The following PIWIL3 variants were observed in gnomAD, a reference collection of about 807,000 sequenced individuals.
PIWIL3 encodes piwi-like protein 3.
A neutral mutation model predicts 109.7 loss-of-function variants in PIWIL3; 101 were observed. The observed-to-expected ratio is 0.92, with a 90% CI of 0.78 to 1.09. PIWIL3 has a LOEUF of 1.09. Ranked by LOEUF, PIWIL3 falls within the 50% of genes least tolerant of loss-of-function variation. The pLI, the probability that PIWIL3 is intolerant of heterozygous loss-of-function variation, is 0.00. For missense variants in PIWIL3, 1,031 were observed against 1,072.6 expected (o/e 0.96, Z 0.54); for synonymous variants, 373 against 376.4 (o/e 0.99, Z 0.10).
chr22:24,771,184 C>T (rs190182535), intron 1 of PIWIL3, among the ~76,000 whole-genome samples: 10 of 152,154 alleles, frequency 6.6e-5, no homozygotes, highest in African/African-American at 1.9e-4. Flanking sequence ...ACTTTCCGGC[C>T]GGGCGCGGTG....
At chr22:24,724,309 G>C (rs953626484) in intron 18 of PIWIL3, among the ~76,000 whole-genome samples, 1 of 150,542 alleles carries the variant, frequency 6.6e-6, no homozygotes, top group African/African-American at 2.4e-5. Flanking sequence ...GATTTTTTTT[G>C]AGACAAGGTC....
chr22:24,737,999 A>G (rs1923765749), intron 12 of PIWIL3, among the ~76,000 whole-genome samples: 1 of 152,122 alleles, frequency 6.6e-6, no homozygotes, highest in Admixed American at 6.5e-5. Flanking sequence ...TAAAAATATA[A>G]AAATTAGCTG....
rs1215638626 is a variant in PIWIL3, at chr22:24,749,010, A to G, written c.1346T>C (p.Val449Ala). 2 of 1,610,236 alleles carry G rather than the reference A, an allele frequency of 1.2e-6. No individual in the cohort carries two copies. The highest frequency in any genetic ancestry group is 1.7e-6 in the Non-Finnish European group (2 of 1,177,410). ...ATCCCAGAGTTGAAGTAACTCTCGT[A>G]CTTTTTTATTACTGAAAATTAAAAT... is the stretch of plus-strand genomic sequence containing the variant. ...FINTLQDNKKVRELLQLWDLK... is the reference protein window; with the variant it reads ...FINTLQDNKKARELLQLWDLK... The change falls in exon 12 of 21, where the codon GTA becomes GCA. Residue 449 changes from valine (V) to alanine (A), a missense_variant. Coordinates refer to ENST00000616349, the MANE Select transcript of PIWIL3 (RefSeq NM_001255975.1).
In PIWIL3 at chr22:24,773,872, G is replaced by A. The variant is rs1396282404; in HGVS notation, c.-23+450C>T. Reference sequence around the variant, plus strand: ...TGGGACTACAGGCACCCGCCACTGCGCCCAGTTAATTTTGGTATTTTTCGT... The same window carrying A: ...TGGGACTACAGGCACCCGCCACTGCACCCAGTTAATTTTGGTATTTTTCGT... On this transcript the variant is annotated intron_variant, in intron 1 of 20. Coordinates refer to ENST00000616349, the MANE Select transcript of PIWIL3 (RefSeq NM_001255975.1). Among the ~76,000 whole-genome samples the A allele has an allele frequency of 5.3e-5, 8 of 151,790 alleles. No individual in the cohort carries two copies. In the South Asian group the frequency reaches 6.3e-4, roughly 12 times the overall value.
In PIWIL3 at chr22:24,752,797, G is replaced by A. The variant is rs1049738168; in HGVS notation, c.977+1217C>T. ...TTTAATATTCCTACAAGCAGCATAC[G>A]AGAGAGTTGCTTCTGATCTTTCCAC... On this transcript the variant is annotated intron_variant, in intron 8 of 20. Coordinates refer to ENST00000616349, the MANE Select transcript of PIWIL3 (RefSeq NM_001255975.1). Among the ~76,000 whole-genome samples, 13 of 152,056 alleles carry A rather than the reference G, an allele frequency of 8.5e-5. 1 individual carries two copies. Among genetic ancestry groups the A allele is most frequent in the African/African-American group, 4.8e-5 (2 of 41,414 alleles).
rs922870009 is a variant in PIWIL3 at position 24,755,372 on chromosome 22, C to T, written c.692+412G>A. ...TCCTAACCTCAAATGATCCACCCGC[C>T]TCAGCCTCCCAAAGTGCTGGGATTA... On this transcript the variant is annotated intron_variant, in intron 6 of 20. Transcript: ENST00000616349. Among the ~76,000 whole-genome samples, 11 of 152,234 alleles carry T rather than the reference C, an allele frequency of 7.2e-5. No homozygotes were observed. In the South Asian group the frequency reaches 1.4e-3, roughly 20 times the overall value.
At chr22:24,755,552 G>T (rs1321773761) in intron 6 of PIWIL3, among the ~76,000 whole-genome samples, 1 of 145,294 alleles carries the variant, frequency 6.9e-6, no homozygotes, top group East Asian at 2.0e-4. Flanking sequence ...TTCTAGGCAG[G>T]TATGAGACAA....
chr22:24,721,953 C>T (rs131476), intron 19 of PIWIL3, among the ~76,000 whole-genome samples: 89,424 of 152,164 alleles, frequency 0.59, 26,804 homozygotes, highest in East Asian at 0.69. Context: ...GCTGACTATA[C>T]GAAACTATTT....
intron 3 of PIWIL3, among the ~76,000 whole-genome samples, chr22:24,759,188 G>A (rs1601848461): frequency 6.6e-6 from 1 of 152,312 alleles, no homozygotes; most frequent in African/African-American, 2.4e-5. Context: ...CCCAGTCCAT[G>A]TAATTTACAC....
chr22:24,727,864 G>T, intron 16 of PIWIL3, 86 bp downstream of exon 16: 1 of 1,078,740 alleles, frequency 9.3e-7, no homozygotes. Flanking sequence ...CCAACCTCTT[G>T]AGTTAACACA....
intron 19 of PIWIL3, among the ~76,000 whole-genome samples, chr22:24,721,740 G>A (rs1198431355): frequency 1.3e-5 from 2 of 151,830 alleles, no homozygotes; most frequent in Admixed American, 6.6e-5. Context: ...ATATTCTTAC[G>A]GCCTTTATTC....
intron 2 of PIWIL3, among the ~76,000 whole-genome samples, chr22:24,761,150 G>A (rs534710072): frequency 6.6e-6 from 1 of 152,168 alleles, no homozygotes; most frequent in African/African-American, 2.4e-5. Context: ...GTTAGGTGGT[G>A]CAGGAGAGGT....
intron 14 of PIWIL3, among the ~76,000 whole-genome samples, chr22:24,732,408 C>T (rs890198668): frequency 7.9e-5 from 12 of 152,046 alleles, no homozygotes; most frequent in South Asian, 2.1e-4. Flanking sequence ...ATATTTAAGG[C>T]GATACCTTAA....
In PIWIL3 at chr22:24,759,867, A is replaced by G. The variant is rs1244018100; in HGVS notation, c.223+2T>C. The G allele has an allele frequency of 7.4e-6, 12 of 1,613,402 alleles. No individual in the cohort carries two copies. Among genetic ancestry groups the G allele is most frequent in the Non-Finnish European group, 9.3e-6 (11 of 1,179,812 alleles). Reference sequence around the variant, plus strand: ...CCTCATGTCCTTCTTGCTTCCTTTCACCTTGAGACTGTGCTCCTCCTCCTG... The same window carrying G: ...CCTCATGTCCTTCTTGCTTCCTTTCGCCTTGAGACTGTGCTCCTCCTCCTG... On this transcript the variant is annotated splice_donor_variant, in intron 3 of 20. Transcript: ENST00000616349. LOFTEE classifies it high-confidence loss of function.
intron 12 of PIWIL3, 127 bp downstream of exon 12, chr22:24,748,780 A>G (rs1924522060): frequency 7.3e-6 from 5 of 682,382 alleles, no homozygotes; most frequent in Middle Eastern, 2.5e-4. Flanking sequence ...TTGGCTCAAT[A>G]TAGAAAGAAT....
chr22:24,757,555 G>T (rs1370467667), intron 4 of PIWIL3, among the ~76,000 whole-genome samples: 1 of 105,606 alleles, frequency 9.5e-6, no homozygotes, highest in African/African-American at 3.5e-5. Flanking sequence ...GAAGGCCCAG[G>T]TGTAAGGATG....
At position 24,756,617 on chromosome 22, in the gene PIWIL3, G is replaced by A; in HGVS notation, c.444C>T (p.Asp148=). ...TTCCATCTTCTATGTCTGGTTTGTA[G>A]TCAACGTTGTATTTATATGCAACCC... The part of the protein sequence containing the change: ...PQWVAYKYNV[D]YKPDIEDGNL... The change falls in exon 5 of 21, where the codon GAC becomes GAT. Residue 148 remains aspartate, a synonymous_variant. Transcript: ENST00000616349. 1.9e-6 allele frequency: 3 copies of A among 1,613,988 alleles called. No individual in the cohort carries two copies. Among genetic ancestry groups the A allele is most frequent in the South Asian group, 1.1e-5 (1 of 91,066 alleles).
chr22:24,770,013 T>C (rs562175804), intron 1 of PIWIL3, among the ~76,000 whole-genome samples: 1 of 152,316 alleles, frequency 6.6e-6, no homozygotes, highest in East Asian at 1.9e-4. Context: ...TGTTTGTATA[T>C]GTTCAGTTGG....
rs1232564652 is a variant in PIWIL3 at position 24,725,426 on chromosome 22, A to T, written c.2080+19T>A. 1.2e-6 allele frequency: 2 copies of T among 1,612,716 alleles called. No homozygotes were observed. Among genetic ancestry groups the T allele is most frequent in the Non-Finnish European group, 1.7e-6 (2 of 1,179,822 alleles). ...TACTTGTATAGTGTCGGGTTCCCCG[A>T]CCGCTACAAGACACTGACCTTTCAA... is the stretch of plus-strand genomic sequence containing the variant. On this transcript the variant is annotated intron_variant, in intron 17 of 20. Transcript: ENST00000616349.
Sources: gnomAD v4.1 joint callset for allele counts (sites outside exome capture counted in the v4.1 genomes callset) on GRCh38, gnomAD v4.1.1 for gene constraint, MANE v1.5 for transcripts, NCBI Gene and HGNC (gene_info 2026-07-23, HGNC 2026-07-21) for gene names.